The following TRIM9 variants were observed in gnomAD, a reference collection of about 807,000 sequenced individuals.
The protein encoded by TRIM9 is E3 ubiquitin-protein ligase TRIM9.
TRIM9 carries 26 observed loss-of-function variants against 78.3 expected under a neutral mutation model. The observed-to-expected ratio is 0.33, with a 90% CI of 0.24 to 0.46. The LOEUF (loss-of-function observed/expected upper bound fraction) is 0.46, where lower values mean the gene tolerates loss of function less well. Ranked by LOEUF, TRIM9 falls within the 20% of genes least tolerant of loss-of-function variation. TRIM9 has a pLI of 1.00. For missense variants in TRIM9, 787 were observed against 1,036.4 expected (o/e 0.76, Z 3.30); for synonymous variants, 398 against 416.5 (o/e 0.96, Z 0.54).
chr14:50,996,542 C>T, intron 7 of TRIM9: 4 of 985,420 alleles, frequency 4.1e-6, no homozygotes, highest in Non-Finnish European at 4.8e-6. Context: ...AACATTGCTA[C>T]AAATTTCTCT....
At chr14:51,048,646 A>G (rs1023338194) in intron 1 of TRIM9, among the ~76,000 whole-genome samples, 3 of 152,104 alleles carry the variant, frequency 2.0e-5, no homozygotes, top group Non-Finnish European at 2.9e-5. Flanking sequence ...AATCAATGAA[A>G]GGAAGCACCT....
At chr14:51,091,544 T>G (rs1354980945) in intron 1 of TRIM9, among the ~76,000 whole-genome samples, 2 of 152,196 alleles carry the variant, frequency 1.3e-5, no homozygotes, top group Non-Finnish European at 2.9e-5. Context: ...AACTAAAACA[T>G]AAACTATATG....
rs376053676 is a variant in TRIM9, at chr14:50,980,296, T to C, written c.2163-747A>G. Among the ~76,000 whole-genome samples the C allele has an allele frequency of 2.0e-5, 3 of 152,218 alleles. No homozygotes were observed. In the East Asian group the frequency reaches 5.8e-4, roughly 29 times the overall value. On this transcript the variant is annotated intron_variant, in intron 11 of 12. Transcript: ENST00000684578. ...CATACAAATGCCATTTTACAAAGAA[T>C]TGTGTCTTATGCTTCAATTGATGGT...
intron 12 of TRIM9, chr14:50,979,108 C>A: frequency 1.5e-6 from 2 of 1,353,528 alleles, no homozygotes; most frequent in Non-Finnish European, 1.9e-6. Context: ...AGAGGTGAAA[C>A]TAGAGCTACA....
At chr14:51,039,924 A>G (rs1346248457) in intron 1 of TRIM9, among the ~76,000 whole-genome samples, 8 of 151,300 alleles carry the variant, frequency 5.3e-5, no homozygotes, top group Non-Finnish European at 1.0e-4. Flanking sequence ...TTTTTTTTGT[A>G]TTTTTAGTAG....
chr14:51,074,332 G>A (rs1220001688), intron 1 of TRIM9, among the ~76,000 whole-genome samples: 1 of 152,076 alleles, frequency 6.6e-6, no homozygotes, highest in African/African-American at 2.4e-5. Flanking sequence ...ATAATGGTAT[G>A]TAAAAATCTA....
chr14:51,036,695 T>C (rs2059182678), intron 1 of TRIM9, among the ~76,000 whole-genome samples: 1 of 152,236 alleles, frequency 6.6e-6, no homozygotes, highest in African/African-American at 2.4e-5. Context: ...GTATTTTCGA[T>C]CCAGTGTTGG....
At chr14:51,051,290 C>T (rs1220259452) in intron 1 of TRIM9, among the ~76,000 whole-genome samples, 1 of 152,124 alleles carries the variant, frequency 6.6e-6, no homozygotes, top group East Asian at 1.9e-4. Context: ...AGAAAGAGAG[C>T]TCAAAAGACA....
chr14:51,058,717 A>G (rs2061092892), intron 1 of TRIM9, among the ~76,000 whole-genome samples: 1 of 152,258 alleles, frequency 6.6e-6, no homozygotes, highest in Admixed American at 6.5e-5. Context: ...CGTGAAAGAA[A>G]TAAATTTCTA....
At chr14:50,981,317 TAAG>T (rs1566539879) in intron 11 of TRIM9, among the ~76,000 whole-genome samples, 1 of 152,216 alleles carries the variant, frequency 6.6e-6, no homozygotes, top group African/African-American at 2.4e-5. Flanking sequence ...TGAATCGTAA[TAAG>T]AAGAATGGCT....
At chr14:51,004,188 T>C (rs200305076) in intron 5 of TRIM9, among the ~76,000 whole-genome samples, 1 of 152,184 alleles carries the variant, frequency 6.6e-6, no homozygotes, top group East Asian at 1.9e-4. Flanking sequence ...AAGAATGAAT[T>C]TCCCCTGACC....
chr14:51,061,651 T>C (rs1320089609), intron 1 of TRIM9, among the ~76,000 whole-genome samples: 1 of 152,226 alleles, frequency 6.6e-6, no homozygotes, highest in Non-Finnish European at 1.5e-5. Flanking sequence ...TTGTAGCTTA[T>C]ACTTTTAGGC....
At position 50,979,465 on chromosome 14, in the gene TRIM9, A is replaced by G; in HGVS notation, c.2247T>C (p.Asp749=). The change falls in exon 12 of 13, where the codon GAT becomes GAC. Residue 749 remains aspartate (D), a synonymous_variant. Transcript: ENST00000684578. The stretch of plus-strand genomic sequence containing the variant: ...CAAATGCTATGGGACCTTGTTGTTC[A>G]TCGTTGATAAAAAATGTCAAGTTTT... ...NRKNLTFFIN[D]EQQGPIAFDN... 1 of 1,614,224 alleles carries G rather than the reference A, an allele frequency of 6.2e-7. No homozygotes were observed. The highest frequency in any genetic ancestry group is 8.5e-7 in the Non-Finnish European group (1 of 1,180,038).
At chr14:51,055,875 T>C (rs1317149224) in intron 1 of TRIM9, among the ~76,000 whole-genome samples, 1 of 152,270 alleles carries the variant, frequency 6.6e-6, no homozygotes, top group Non-Finnish European at 1.5e-5. Context: ...AATTTGAAGT[T>C]ACAATATTTA....
At chr14:51,054,164 C>T (rs896191668) in intron 1 of TRIM9, among the ~76,000 whole-genome samples, 2 of 152,334 alleles carry the variant, frequency 1.3e-5, no homozygotes, top group African/African-American at 2.4e-5. Context: ...TGGGCTCAAA[C>T]CATCCTCCCA....
rs1298556167 is a variant in TRIM9 at position 50,985,915 on chromosome 14, GCA to G, written c.1792+39_1792+40del. 37 of 1,409,826 alleles carry G rather than the reference GCA, an allele frequency of 2.6e-5. No homozygotes were observed. The Admixed American group carries it at 3.3e-4, about 12-fold the overall frequency. The allele number at this position is 1,409,826 out of a possible 1,614,324, so 87.3% of individuals were successfully genotyped here. A position where few individuals can be genotyped will look rare whatever the true frequency, so the allele number is the denominator to read the frequency against. ...CACGCGTTTCAGAGATGCCTTCAAGGCACAGAGATCAAGGGGAAAGGTCTGAG... is the reference window on the plus strand; with the variant it reads ...CACGCGTTTCAGAGATGCCTTCAAGGCAGAGATCAAGGGGAAAGGTCTGAG... On this transcript the variant is annotated intron_variant, in intron 8 of 12. Transcript: ENST00000684578.
intron 1 of TRIM9, among the ~76,000 whole-genome samples, chr14:51,073,299 G>A (rs1318587941): frequency 6.6e-6 from 1 of 152,140 alleles, no homozygotes; most frequent in Non-Finnish European, 1.5e-5. Flanking sequence ...CCCTCCTAGG[G>A]ATACAACCAA....
At chr14:51,062,095 T>C (rs919969468) in intron 1 of TRIM9, among the ~76,000 whole-genome samples, 1 of 142,096 alleles carries the variant, frequency 7.0e-6, no homozygotes, top group Admixed American at 7.1e-5. Flanking sequence ...TTAAGTCCAA[T>C]AAATAAATTA....
chr14:50,982,887 C>G, intron 10 of TRIM9, 55 bp downstream of exon 10: 1 of 1,470,660 alleles, frequency 6.8e-7, no homozygotes, highest in Non-Finnish European at 9.3e-7. Context: ...CTGTGAGACA[C>G]CTCACATGCA....
Sources: allele counts gnomAD v4.1 joint callset (sites outside exome capture counted in the v4.1 genomes callset), GRCh38; gene constraint gnomAD v4.1.1; transcripts MANE v1.5; gene names NCBI Gene and HGNC (gene_info 2026-07-23, HGNC 2026-07-21).